The following TNRC6A variants were observed in gnomAD, a reference collection of about 807,000 sequenced individuals.
The protein encoded by TNRC6A is trinucleotide repeat-containing gene 6A protein.
TNRC6A carries 44 observed loss-of-function variants against 221.2 expected under a neutral mutation model. The ratio of observed to expected loss-of-function variants is 0.20; its 90% CI spans 0.16 to 0.26. TNRC6A has a LOEUF of 0.26. TNRC6A is among the 10% of genes least tolerant of loss of function. TNRC6A has a pLI of 1.00. For missense variants in TNRC6A, 2,199 were observed against 2,404.4 expected (o/e 0.91, Z 1.79); for synonymous variants, 847 against 838.5 (o/e 1.01, Z -0.18).
chr16:24,624,689 G>T (rs1900865298), intron 1 of TNRC6A, among the ~76,000 whole-genome samples: 1 of 152,064 alleles, frequency 6.6e-6, no homozygotes, highest in Non-Finnish European at 1.5e-5. Flanking sequence ...TCCCTATGTT[G>T]CCCAGGCTGG....
intron 2 of TNRC6A, among the ~76,000 whole-genome samples, chr16:24,683,123 G>T (rs113481848): frequency 0.029 from 4,337 of 152,076 alleles, 220 homozygotes; most frequent in African/African-American, 0.099. Flanking sequence ...TCAGATACTG[G>T]AAGCCCCCAA....
At chr16:24,716,162 C>T (rs1363528395) in intron 2 of TNRC6A, among the ~76,000 whole-genome samples, 1 of 152,008 alleles carries the variant, frequency 6.6e-6, no homozygotes, top group Non-Finnish European at 1.5e-5. Flanking sequence ...GGAAACTCTC[C>T]TCAAGCAGTA....
At chr16:24,626,132 G>GA (rs1236476585) in intron 1 of TNRC6A, among the ~76,000 whole-genome samples, 1 of 151,184 alleles carries the variant, frequency 6.6e-6, no homozygotes, top group Non-Finnish European at 1.5e-5. Flanking sequence ...CACACATTCA[G>GA]TTTTTTTTTC....
At chr16:24,749,920 A>G (rs2057098635) in intron 2 of TNRC6A, among the ~76,000 whole-genome samples, 1 of 152,194 alleles carries the variant, frequency 6.6e-6, no homozygotes, top group African/African-American at 2.4e-5. Context: ...TGGGCAGATC[A>G]CTTGAGGTCA....
intron 5 of TNRC6A, among the ~76,000 whole-genome samples, chr16:24,784,442 G>A (rs1480251483): frequency 6.6e-6 from 1 of 152,168 alleles, no homozygotes; most frequent in Non-Finnish European, 1.5e-5. Flanking sequence ...TTCTGCCTCA[G>A]CCTCTTAAGG....
At chr16:24,808,607 A>T (rs1405361604) in intron 17 of TNRC6A, among the ~76,000 whole-genome samples, 3 of 152,258 alleles carry the variant, frequency 2.0e-5, no homozygotes, top group Non-Finnish European at 4.4e-5. Context: ...CTCTGCAAAA[A>T]TACGCATGGT....
chr16:24,812,698 T>TA (rs1266073150), intron 18 of TNRC6A, among the ~76,000 whole-genome samples: 1 of 152,184 alleles, frequency 6.6e-6, no homozygotes. Flanking sequence ...TAGTGGGCTC[T>TA]ACCATCTAGG....
rs2058804353 is a variant in TNRC6A, at chr16:24,823,273, A to G, written c.5514-159A>G. ...AGGCCCTGGAGAGCTGTGGGTGCAC[A>G]CTCGGGTGAAGGGAGGGCACGCAGG... On this transcript the variant is annotated intron_variant, in intron 24 of 24. Coordinates refer to ENST00000395799, the MANE Select transcript of TNRC6A (RefSeq NM_014494.4). This position sits in a 1 kb window ranked among gnomAD's most constrained non-coding sequence, Gnocchi z 4.3. Among the ~76,000 whole-genome samples, 1 of 152,074 alleles carries G rather than the reference A, an allele frequency of 6.6e-6. No individual in the cohort carries two copies. The highest frequency in any genetic ancestry group is 6.6e-5 in the Admixed American group (1 of 15,264).
At chr16:24,800,100 C>T (rs2058301752) in intron 11 of TNRC6A, among the ~76,000 whole-genome samples, 1 of 152,148 alleles carries the variant, frequency 6.6e-6, no homozygotes, top group Admixed American at 6.5e-5. Flanking sequence ...GGCAGTGGAG[C>T]CATTGTTGCG....
rs1039893417 is a variant in TNRC6A, at chr16:24,791,038, A to G, written c.2396A>G (p.Asn799Ser). The change falls in exon 6 of 25, where the codon AAC (asparagine) becomes AGC (serine). Residue 799 changes from asparagine (N) to serine (S), a missense_variant. Asn to Ser is a conservative substitution (Grantham distance 46). Coordinates refer to ENST00000395799, the MANE Select transcript of TNRC6A (RefSeq NM_014494.4). ...AGGTGGGGAGATTCCAAAGGCTCAA[A>G]CTGCCAGGGGGGGTGGGAAGATGAT... ...ALRWGDSKGS[N>S]CQGGWEDDSA... The G allele has an allele frequency of 6.3e-7, 1 of 1,592,006 alleles. No homozygotes were observed. The highest frequency in any genetic ancestry group is 8.6e-7 in the Non-Finnish European group (1 of 1,168,742).
rs145977290 is a variant in TNRC6A at position 24,798,733 on chromosome 16, A to G, written c.3694+767A>G. ...ACCAATTTGTTAGGCAGGATGAGGG[A>G]GAGAGTGTGATGGAAACTTACCTGG... is the stretch of plus-strand genomic sequence containing the variant. On this transcript the variant is annotated intron_variant, in intron 11 of 24. Transcript: ENST00000395799. 1.1e-4 allele frequency among the ~76,000 whole-genome samples: 16 copies of G among 152,310 alleles called. No homozygotes were observed. In the East Asian group the frequency reaches 3.1e-3, roughly 29 times the overall value.
chr16:24,660,244 CCT>C (rs1163846378), intron 2 of TNRC6A, among the ~76,000 whole-genome samples: 3 of 152,152 alleles, frequency 2.0e-5, no homozygotes, highest in Non-Finnish European at 4.4e-5. Context: ...ACCCTGTCCC[CCT>C]GAGTCCCCAA....
chr16:24,729,994 G>C, intron 1 of TNRC6A, 148 bp downstream of exon 1: 1 of 761,152 alleles, frequency 1.3e-6, no homozygotes, highest in Non-Finnish European at 1.7e-6. Flanking sequence ...CTGCGTTGCT[G>C]CGGAGGCCGA....
chr16:24,680,270 A>G (rs2055505057), intron 2 of TNRC6A, among the ~76,000 whole-genome samples: 1 of 151,584 alleles, frequency 6.6e-6, no homozygotes, highest in Admixed American at 6.6e-5. Context: ...GAAAAAAAAA[A>G]AGTATCTGGG....
intron 7 of TNRC6A, 142 bp from the exon 8 acceptor site, chr16:24,794,402 C>T: frequency 2.8e-6 from 2 of 708,374 alleles, no homozygotes; most frequent in Non-Finnish European, 4.4e-6. Flanking sequence ...TACTTTCCTT[C>T]TGTGCAGATG....
Position 24,777,342 on chromosome 16 carries a change from C to G in TNRC6A, c.573C>G (p.Asn191Lys). Residue 191 changes from asparagine (N) to lysine (K), a missense_variant, in exon 5 of 25, where the codon AAC (asparagine) becomes AAG (lysine). This residue lies in a region of TNRC6A where 1,405 missense variants were observed against 1,400.2 expected (regional missense o/e 1.00). Transcript: ENST00000395799. ...QQPQNNGEVQ[N>K]SKNQSDINHS... ...CACAAAATAACGGAGAGGTGCAGAA[C>G]AGCAAAAACCAGTCAGGTGAGAGAA... 2 of 1,609,488 alleles carry G rather than the reference C, an allele frequency of 1.2e-6. No individual in the cohort carries two copies. The highest frequency in any genetic ancestry group is 1.7e-6 in the Non-Finnish European group (2 of 1,178,816).
rs369522734 is a variant in TNRC6A at position 24,684,721 on chromosome 16, A to C, written n.402+43712A>C. Among the ~76,000 whole-genome samples, 8 of 151,712 alleles carry C rather than the reference A, an allele frequency of 5.3e-5. No homozygotes were observed. In the South Asian group the frequency reaches 1.7e-3, roughly 32 times the overall value. On this transcript the variant is annotated intron_variant and non_coding_transcript_variant, in intron 2 of 2. Transcript: ENST00000566108. The stretch of plus-strand genomic sequence containing the variant: ...CTCAGGAGGCTGAGGTGGGAGGATA[A>C]CCAGAGCCCAAGAGTTCGAGGTTAC...
intron 1 of TNRC6A, among the ~76,000 whole-genome samples, chr16:24,625,548 AC>A (rs533665213): frequency 6.6e-6 from 1 of 151,824 alleles, no homozygotes; most frequent in Admixed American, 6.6e-5. Flanking sequence ...ACAAGGTGAA[AC>A]CCCGTCTCTA....
chr16:24,755,797 GA>G (rs2057238485), intron 3 of TNRC6A, among the ~76,000 whole-genome samples: 1 of 152,162 alleles, frequency 6.6e-6, no homozygotes, highest in Non-Finnish European at 1.5e-5. Flanking sequence ...CCATAGCTCA[GA>G]TTTTTTTTTT....
Sources: allele counts gnomAD v4.1 joint callset (sites outside exome capture counted in the v4.1 genomes callset), GRCh38; gene constraint gnomAD v4.1.1; regional missense constraint gnomAD v4.1.1; non-coding constraint Gnocchi (gnomAD v3.1); transcripts MANE v1.5; gene names NCBI Gene and HGNC (gene_info 2026-07-23, HGNC 2026-07-21).